The following STAM variants were observed in gnomAD, a reference collection of about 807,000 sequenced individuals.
STAM encodes the protein signal transducing adapter molecule 1.
STAM carries 16 observed loss-of-function variants against 63.4 expected under a neutral mutation model. That is an observed-to-expected ratio of 0.25 (90% CI 0.17 to 0.38). STAM has a LOEUF of 0.38. Ranked by LOEUF, STAM falls within the 10% of genes least tolerant of loss-of-function variation. STAM has a pLI of 1.00. For missense variants in STAM, 636 were observed against 657.1 expected, an observed-to-expected ratio of 0.97 and a Z score of 0.35; for synonymous variants, 238 against 223.9, an observed-to-expected ratio of 1.06 and a Z score of -0.56.
At position 17,672,472 on chromosome 10, in the gene STAM, A is replaced by G. The variant is rs1834679857; in HGVS notation, c.125+11924A>G. ...GCCTCCTCAGATTTTTTCCCAAAAA[A>G]CTTGTGCCTGCCAATTCATTTAGTG... is the stretch of plus-strand genomic sequence containing the variant. On this transcript the variant is annotated intron_variant, in intron 2 of 13. Transcript: ENST00000377524. Among the ~76,000 whole-genome samples, 7 of 152,168 alleles carry G rather than the reference A, an allele frequency of 4.6e-5. 1 individual carries two copies. In the South Asian group the frequency reaches 1.4e-3, roughly 32 times the overall value.
At chr10:17,653,036 AT>A (rs1833799063) in intron 1 of STAM, among the ~76,000 whole-genome samples, 1 of 152,160 alleles carries the variant, frequency 6.6e-6, no homozygotes, top group South Asian at 2.1e-4. Flanking sequence ...CCCTGGGATA[AT>A]AGCTTAGTTT....
chr10:17,686,025 A>G (rs1318833726), intron 4 of STAM, among the ~76,000 whole-genome samples: 1 of 152,164 alleles, frequency 6.6e-6, no homozygotes, highest in Non-Finnish European at 1.5e-5. Context: ...GTTACAGTAG[A>G]AAAATAGCAG....
chr10:17,706,471 C>T lies in STAM; in HGVS notation c.1209+730C>T, dbSNP rs1001582149. 9.0e-5 allele frequency among the ~76,000 whole-genome samples: 13 copies of T among 144,742 alleles called. No individual in the cohort carries two copies. The South Asian group carries it at 1.1e-3, about 13-fold the overall frequency. 95.0% of individuals were successfully genotyped at this position (144,742 alleles called of 152,430 possible). A position where few individuals can be genotyped will look rare whatever the true frequency, so the allele number is the denominator to read the frequency against. On this transcript the variant is annotated intron_variant, in intron 12 of 13. Coordinates refer to ENST00000377524, the MANE Select transcript of STAM (RefSeq NM_003473.4). ...TCAGCTCACTGCAAGCTCCGCCTTC[C>T]GGGTTCTCGCCATTCTCCTGCCTCA...
chr10:17,713,278 A>G (rs1836641268), intron 13 of STAM, among the ~76,000 whole-genome samples: 2 of 152,150 alleles, frequency 1.3e-5, no homozygotes, highest in South Asian at 2.1e-4. Context: ...GCCGCTCCCC[A>G]GGGGACCTCA....
At chr10:17,686,544 T>C (rs1835303753) in intron 4 of STAM, among the ~76,000 whole-genome samples, 1 of 151,990 alleles carries the variant, frequency 6.6e-6, no homozygotes, top group South Asian at 2.1e-4. Context: ...GCCTGGCTGG[T>C]TTTTGTAGTG....
intron 10 of STAM, 50 bp from the exon 11 acceptor site, chr10:17,704,920 A>ATTTTTTTTTT (rs782471783): frequency 7.0e-7 from 1 of 1,424,740 alleles, no homozygotes; most frequent in Non-Finnish European, 9.8e-7. Context: ...AAAGGTTCAC[A>ATTTTTTTTTT]TTTTTTTTTC....
intron 5 of STAM, among the ~76,000 whole-genome samples, chr10:17,688,940 T>G (rs142674086): frequency 1.3e-3 from 201 of 152,284 alleles, no homozygotes; most frequent in Middle Eastern, 6.8e-3. Context: ...AATTCCTCTA[T>G]TAACAATGAG....
rs57550622 is a variant in STAM, at chr10:17,660,049, CA to C, written c.41-405del. ...TCCTTCAGTCCCCTCTCCATATTAT[CA>C]AAAAAAAAATCCACAAAACTAGCTA... On this transcript the variant is annotated intron_variant, in intron 1 of 13. Coordinates refer to ENST00000377524, the MANE Select transcript of STAM (RefSeq NM_003473.4). Among the ~76,000 whole-genome samples the C allele has an allele frequency of 3.8e-3, 561 of 148,684 alleles. 3 individuals are homozygous for C. Among genetic ancestry groups the C allele is most frequent in the African/African-American group, 0.012 (504 of 40,778 alleles).
At chr10:17,683,802 G>T (rs1052871386) in intron 2 of STAM, among the ~76,000 whole-genome samples, 1 of 152,108 alleles carries the variant, frequency 6.6e-6, no homozygotes, top group Non-Finnish European at 1.5e-5. Flanking sequence ...AGTTGTGTAT[G>T]GTAGTTTTCT....
rs545309955 is a variant in STAM at position 17,663,218 on chromosome 10, T to C, written c.125+2670T>C. ...AATGTTAACGTTATTCTCCCAGAAATGTTTATTATTATTTTCCCTATTTTA... is the reference window on the plus strand; with the variant it reads ...AATGTTAACGTTATTCTCCCAGAAACGTTTATTATTATTTTCCCTATTTTA... On this transcript the variant is annotated intron_variant, in intron 2 of 13. Transcript: ENST00000377524. Among the ~76,000 whole-genome samples, 5 of 152,262 alleles carry C rather than the reference T, an allele frequency of 3.3e-5. No individual in the cohort carries two copies. In the East Asian group the frequency reaches 9.6e-4, roughly 29 times the overall value.
rs41289335 is a variant in STAM, at chr10:17,684,700, A to G, written c.151A>G (p.Met51Val). ...TGPKDCLRSI[M>V]RRVNHKDPHV... is the part of the protein sequence containing the mutation. ...ACCTAAGGATTGTCTTCGGTCTATT[A>G]TGAGAAGAGTGAACCACAAAGATCC... is the stretch of plus-strand genomic sequence containing the variant. Residue 51 changes from methionine to valine, a missense_variant, in exon 3 of 14, where the codon ATG (methionine) becomes GTG (valine). This residue lies in a region of STAM where 87 missense variants were observed against 80.3 expected (regional missense o/e 1.08). Coordinates refer to ENST00000377524, the MANE Select transcript of STAM (RefSeq NM_003473.4). 14 of 1,613,954 alleles carry G rather than the reference A, an allele frequency of 8.7e-6. No individual in the cohort carries two copies. Among genetic ancestry groups the G allele is most frequent in the Middle Eastern group, 1.7e-4 (1 of 6,060 alleles).
At chr10:17,656,252 C>A (rs1287350928) in intron 1 of STAM, among the ~76,000 whole-genome samples, 6 of 149,780 alleles carry the variant, frequency 4.0e-5, no homozygotes, top group Non-Finnish European at 7.4e-5. Context: ...CGAGATCGCA[C>A]CACTGCACTC....
intron 2 of STAM, among the ~76,000 whole-genome samples, chr10:17,676,425 A>G (rs1834859189): frequency 6.6e-6 from 1 of 152,208 alleles, no homozygotes; most frequent in Non-Finnish European, 1.5e-5. Context: ...CTTTCAGTTC[A>G]TCAGCTGACA....
chr10:17,699,199 T>C (rs1554828042), intron 8 of STAM, among the ~76,000 whole-genome samples: 1 of 152,214 alleles, frequency 6.6e-6, no homozygotes, highest in Non-Finnish European at 1.5e-5. Context: ...TTTTTAATCT[T>C]TCCAAACTAC....
chr10:17,683,939 TC>T (rs1835188514), intron 2 of STAM, among the ~76,000 whole-genome samples: 1 of 152,216 alleles, frequency 6.6e-6, no homozygotes, highest in Non-Finnish European at 1.5e-5. Flanking sequence ...GTGGTTACAT[TC>T]GTCTGTGGCT....
chr10:17,675,700 T>G lies in STAM; in HGVS notation c.126-8975T>G, dbSNP rs2001832. ...GGTCAGTCTCTTCTTGTTCACTACT[T>G]TATTCCTAAAGCCTTGCATAATGCT... On this transcript the variant is annotated intron_variant, in intron 2 of 13. Transcript: ENST00000377524. Among the ~76,000 whole-genome samples, 310 of 152,316 alleles carry G rather than the reference T, an allele frequency of 2.0e-3. 1 individual carries two copies. Among genetic ancestry groups the G allele is most frequent in the African/African-American group, 7.0e-3 (293 of 41,578 alleles).
At chr10:17,694,001 G>A (rs1452503958) in intron 6 of STAM, among the ~76,000 whole-genome samples, 2 of 152,096 alleles carry the variant, frequency 1.3e-5, no homozygotes, top group African/African-American at 4.8e-5. Flanking sequence ...TTAAAATGAT[G>A]TCCTGTTATT....
chr10:17,672,509 G>A (rs1260283151), intron 2 of STAM, among the ~76,000 whole-genome samples: 10 of 152,086 alleles, frequency 6.6e-5, no homozygotes, highest in African/African-American at 2.4e-4. Flanking sequence ...GCTTGTATGT[G>A]CTGTCTCACA....
intron 2 of STAM, among the ~76,000 whole-genome samples, chr10:17,682,126 A>C (rs1285500057): frequency 6.6e-6 from 1 of 152,214 alleles, no homozygotes; most frequent in East Asian, 1.9e-4. Flanking sequence ...ACCCCAACCA[A>C]GATAGCATTT....
Sources: allele counts gnomAD v4.1 joint callset (sites outside exome capture counted in the v4.1 genomes callset), GRCh38; gene constraint gnomAD v4.1.1; regional missense constraint gnomAD v4.1.1; transcripts MANE v1.5; gene names NCBI Gene and HGNC (gene_info 2026-07-23, HGNC 2026-07-21).